Variants in DCAF5 observed in about 807,000 individuals in gnomAD.
DCAF5 encodes DDB1 and CUL4 associated factor 5.
In DCAF5, 9 loss-of-function variants were observed where a neutral mutation model predicts 80.7. The observed-to-expected ratio is 0.11, with a 90% CI of 0.07 to 0.19. The LOEUF (loss-of-function observed/expected upper bound fraction) is 0.19. Ranked by LOEUF, DCAF5 falls within the 10% of genes least tolerant of loss-of-function variation. DCAF5 has a pLI of 1.00. For missense variants in DCAF5, 842 were observed against 1,205.7 expected, an observed-to-expected ratio of 0.70 and a Z score of 4.47; for synonymous variants, 433 against 461.9, an observed-to-expected ratio of 0.94 and a Z score of 0.80.
chr14:69,130,551 C>G (rs1227647604), intron 1 of DCAF5, among the ~76,000 whole-genome samples: 4 of 152,048 alleles, frequency 2.6e-5, no homozygotes, highest in Non-Finnish European at 4.4e-5. Flanking sequence ...AGTAAGTACA[C>G]TTAAAAATGG....
At chr14:69,057,864 A>C (rs2038036938) in intron 8 of DCAF5, among the ~76,000 whole-genome samples, 1 of 152,198 alleles carries the variant, frequency 6.6e-6, no homozygotes, top group African/African-American at 2.4e-5. Flanking sequence ...GCACTTCAGC[A>C]GTAAGGGGAG....
intron 5 of DCAF5, among the ~76,000 whole-genome samples, chr14:69,100,646 T>A (rs1312858362): frequency 6.6e-6 from 1 of 152,158 alleles, no homozygotes; most frequent in African/African-American, 2.4e-5. Context: ...AGATCCACCA[T>A]CCCACTTCCA....
At chr14:69,099,240 G>A (rs1376817219) in intron 5 of DCAF5, among the ~76,000 whole-genome samples, 1 of 138,786 alleles carries the variant, frequency 7.2e-6, no homozygotes, top group Non-Finnish European at 1.5e-5. Flanking sequence ...AACAGAGTGG[G>A]ACTCTGTCTC....
intron 2 of DCAF5, among the ~76,000 whole-genome samples, chr14:69,121,767 A>G (rs2040726067): frequency 6.6e-6 from 1 of 152,162 alleles, no homozygotes; most frequent in Non-Finnish European, 1.5e-5. Flanking sequence ...AGCCATTCCA[A>G]TTGTACCCTA....
At chr14:69,131,445 A>G (rs1566782105) in intron 1 of DCAF5, among the ~76,000 whole-genome samples, 2 of 152,222 alleles carry the variant, frequency 1.3e-5, no homozygotes, top group Admixed American at 6.5e-5. Flanking sequence ...CACACAGCCC[A>G]GCTACGTCAG....
rs2040151407 is a variant in DCAF5, at chr14:69,106,190, G to A, written c.665+10176C>T. On this transcript the variant is annotated intron_variant, in intron 5 of 8. Transcript: ENST00000341516. ...TCCTGCCTCAGCCCCCCGAGTAGCT[G>A]GAATTACAGGGGCCCACCACTACGC... Among the ~76,000 whole-genome samples, 4 of 149,422 alleles carry A rather than the reference G, an allele frequency of 2.7e-5. No individual in the cohort carries two copies. In the South Asian group the frequency reaches 8.6e-4, roughly 32 times the overall value.
At chr14:69,077,557 A>G (rs2038948424) in intron 6 of DCAF5, among the ~76,000 whole-genome samples, 2 of 151,638 alleles carry the variant, frequency 1.3e-5, no homozygotes, top group African/African-American at 2.4e-5. Flanking sequence ...CTAATTTTTT[A>G]TAGTGACAGG....
chr14:69,084,102 T>C, intron 6 of DCAF5: 2 of 805,006 alleles, frequency 2.5e-6, no homozygotes, highest in Admixed American at 1.7e-5. Context: ...GAACTCATTG[T>C]TAAGTTAAAT....
chr14:69,105,914 C>CATATATAT (rs35075766), intron 5 of DCAF5, among the ~76,000 whole-genome samples: 734 of 49,906 alleles, frequency 0.015, 49 homozygotes, highest in Middle Eastern at 0.024. Flanking sequence ...AATAAACTGT[C>CATATATAT]ATATATATAT....
At position 69,118,349 on chromosome 14, in the gene DCAF5, G is replaced by A. The variant is rs2040602565; in HGVS notation, c.396-71C>T. On this transcript the variant is annotated intron_variant, in intron 3 of 8. Transcript: ENST00000341516. The surrounding 1 kb of genome is among the most constrained non-coding windows in gnomAD (Gnocchi z 4.0). ...CATAGTGCAGAGTCCCAGCACTTTG[G>A]TACCGAGGGTGCCATCTTTTCCATT... 6.9e-7 allele frequency: 1 copy of A among 1,440,330 alleles called. No individual in the cohort carries two copies. Among genetic ancestry groups the A allele is most frequent in the Non-Finnish European group, 9.3e-7 (1 of 1,074,576 alleles). The allele number at this position is 1,440,330 out of a possible 1,614,324, so 89.2% of individuals were successfully genotyped here.
In DCAF5 at chr14:69,054,981, C is replaced by CAGAGCTGCT. The variant is rs771972517; in HGVS notation, c.1696_1704dup (p.Ser566_Ser568dup). ...CGTTCATTCAGCTCCTCCTCATCCT[C>CAGAGCTGCT]AGAGCTGCTAGAGCTGCTGGAACTG... On this transcript the variant is annotated inframe_insertion, in exon 9 of 9. Coordinates refer to ENST00000341516, the MANE Select transcript of DCAF5 (RefSeq NM_003861.3). The CAGAGCTGCT allele has an allele frequency of 1.9e-6, 3 of 1,614,134 alleles. No individual in the cohort carries two copies. The highest frequency in any genetic ancestry group is 2.2e-5 in the East Asian group (1 of 44,902).
intron 6 of DCAF5, among the ~76,000 whole-genome samples, chr14:69,079,019 TTTCCTG>T (rs1216455097): frequency 3.9e-5 from 6 of 152,220 alleles, no homozygotes; most frequent in Non-Finnish European, 8.8e-5. Flanking sequence ...GGCACCACCA[TTTCCTG>T]TTACGTTACA....
chr14:69,140,903 G>A (rs1011545206), intron 1 of DCAF5, among the ~76,000 whole-genome samples: 9 of 151,910 alleles, frequency 5.9e-5, no homozygotes, highest in Non-Finnish European at 5.9e-5. Flanking sequence ...GATCACCCCC[G>A]CCTAGGGACT....
chr14:69,074,649 A>C (rs974334899), intron 7 of DCAF5, among the ~76,000 whole-genome samples: 1 of 152,236 alleles, frequency 6.6e-6, no homozygotes, highest in African/African-American at 2.4e-5. Context: ...GGACAAAGGA[A>C]AGAAAGAGCC....
At chr14:69,121,924 T>A (rs1395467006) in intron 2 of DCAF5, among the ~76,000 whole-genome samples, 1 of 152,062 alleles carries the variant, frequency 6.6e-6, no homozygotes, top group Non-Finnish European at 1.5e-5. Flanking sequence ...GTTTCAAATA[T>A]GTGTGTGTGT....
rs928230250 is a variant in DCAF5, at chr14:69,051,647, A to C, written c.*2210T>G. 6.6e-6 allele frequency: 1 copy of C among 152,306 alleles called. No individual in the cohort carries two copies. Among genetic ancestry groups the C allele is most frequent in the African/African-American group, 2.4e-5 (1 of 41,462 alleles). The allele number at this position is 152,306 out of a possible 1,614,324, so 9.4% of individuals were successfully genotyped here. A position where few individuals can be genotyped will look rare whatever the true frequency, so the allele number is the denominator to read the frequency against. The stretch of plus-strand genomic sequence containing the variant: ...TAAGGCTTTTAACATGAAAAGACCA[A>C]GTTCTGCATTTGGGAATTGTAACTA... On this transcript the variant is annotated 3_prime_UTR_variant, in exon 9 of 9. Coordinates refer to ENST00000341516, the MANE Select transcript of DCAF5 (RefSeq NM_003861.3).
At chr14:69,121,478 T>C (rs1246736043) in intron 2 of DCAF5, among the ~76,000 whole-genome samples, 2 of 152,204 alleles carry the variant, frequency 1.3e-5, no homozygotes, top group Non-Finnish European at 2.9e-5. Flanking sequence ...TTGAAAATGG[T>C]TAATTGTCAG....
At chr14:69,058,876 CAAAA>C (rs541099480) in intron 8 of DCAF5, among the ~76,000 whole-genome samples, 5 of 54,856 alleles carry the variant, frequency 9.1e-5, no homozygotes, top group Admixed American at 3.9e-4. Flanking sequence ...GATCCTGTCT[CAAAA>C]AAAAAAAAAA....
intron 6 of DCAF5, among the ~76,000 whole-genome samples, chr14:69,088,507 T>C (rs954232922): frequency 1.3e-5 from 2 of 152,222 alleles, no homozygotes; most frequent in African/African-American, 4.8e-5. Context: ...ATGAATTACC[T>C]AGTGAACCTA....
Sources: allele counts gnomAD v4.1 joint callset (sites outside exome capture counted in the v4.1 genomes callset), GRCh38; gene constraint gnomAD v4.1.1; non-coding constraint Gnocchi (gnomAD v3.1); transcripts MANE v1.5; gene names NCBI Gene and HGNC (gene_info 2026-07-23, HGNC 2026-07-21).